Variants in PES1 observed in about 807,000 individuals in gnomAD.
PES1 encodes the protein pescadillo homolog.
In PES1, 31 loss-of-function variants were observed where a neutral mutation model predicts 77.1. That is an observed-to-expected ratio of 0.40 (90% CI 0.30 to 0.54). The LOEUF (loss-of-function observed/expected upper bound fraction) is 0.54, where lower values mean the gene tolerates loss of function less well. PES1 is among the 20% of genes least tolerant of loss of function. PES1 has a pLI of 0.45. For synonymous variants in PES1, 282 were observed against 303.0 expected, an observed-to-expected ratio of 0.93 and a Z score of 0.72; for missense variants, 658 against 771.7, an observed-to-expected ratio of 0.85 and a Z score of 1.75.
chr22:30,590,086 G>A (rs991021342), intron 1 of PES1, among the ~76,000 whole-genome samples: 3 of 152,126 alleles, frequency 2.0e-5, no homozygotes, highest in Non-Finnish European at 2.9e-5. Context: ...GACAATAACA[G>A]GTCCTCTATT....
chr22:30,584,359 A>G lies in PES1; in HGVS notation c.630+6T>C, dbSNP rs776060563. On this transcript the variant is annotated splice_donor_region_variant and intron_variant, in intron 6 of 14. Coordinates refer to ENST00000354694, the MANE Select transcript of PES1 (RefSeq NM_014303.4). The stretch of plus-strand genomic sequence containing the variant: ...AAGCCCGTCCCCTCCCGACAGGCAC[A>G]CTCACGTCATGGGAGAAGGCATAGG... The G allele has an allele frequency of 6.2e-7, 1 of 1,604,716 alleles. No homozygotes were observed. The highest frequency in any genetic ancestry group is 1.1e-5 in the South Asian group (1 of 89,692).
At chr22:30,605,163 T>C (rs768431189) in intron 2 of PES1, among the ~76,000 whole-genome samples, 1 of 151,974 alleles carries the variant, frequency 6.6e-6, no homozygotes, top group Non-Finnish European at 1.5e-5. Flanking sequence ...CCCTGGCATT[T>C]TTTGGTTTTG....
Position 30,584,381 on chromosome 22 carries a change from T to C in PES1, c.614A>G (p.Tyr205Cys), listed in dbSNP as rs553070209. The C allele has an allele frequency of 1.2e-5, 19 of 1,610,674 alleles. No individual in the cohort carries two copies. The highest frequency in any genetic ancestry group is 4.5e-5 in the East Asian group (2 of 44,750). Residue 205 changes from tyrosine (Y) to cysteine (C), a missense_variant, in exon 6 of 15, where the codon TAT (tyrosine) becomes TGT (cysteine). By Grantham distance (194) the Tyr-to-Cys change is radical (BLOSUM62 -2). Coordinates refer to ENST00000354694, the MANE Select transcript of PES1 (RefSeq NM_014303.4). ...CACACTCACGTCATGGGAGAAGGCA[T>C]AGGGAGTGATCCACACGATGGGCTG... ...LGQPIVWITP[Y>C]AFSHDHPTDV...
intron 6 of PES1, 43 bp from the exon 7 acceptor site, chr22:30,581,687 T>C (rs749328140): frequency 7.2e-7 from 1 of 1,384,170 alleles, no homozygotes; most frequent in South Asian, 1.2e-5. Context: ...GGTGCAGGGA[T>C]GGGGGCAAAG....
rs559943361 is a variant in PES1 at position 30,581,145 on chromosome 22, G to A, written c.823-44C>T. The A allele has an allele frequency of 7.3e-5, 110 of 1,512,738 alleles. No individual in the cohort carries two copies. In the African/African-American group the frequency reaches 8.1e-4, roughly 11 times the overall value. 93.7% of individuals were successfully genotyped at this position (1,512,738 alleles called of 1,614,324 possible). A position where few individuals can be genotyped will look rare whatever the true frequency, so the allele number is the denominator to read the frequency against. ...CTGCTTGCAGTGGGGGACCTCATGC[G>A]GGCATGTGGCCAGGGTGGGGAGGGG... On this transcript the variant is annotated intron_variant, in intron 8 of 14. Coordinates refer to ENST00000354694, the MANE Select transcript of PES1 (RefSeq NM_014303.4).
upstream of PES1, among the ~76,000 whole-genome samples, chr22:30,595,352 A>G (rs1161519892): frequency 6.6e-6 from 1 of 151,990 alleles, no homozygotes; most frequent in Admixed American, 6.6e-5. Context: ...AGCCTGGCCA[A>G]TATTGTGAAA....
At chr22:30,581,231 A>T in intron 8 of PES1, 103 bp downstream of exon 8, 1 of 1,386,026 alleles carries the variant, frequency 7.2e-7, no homozygotes, top group East Asian at 2.3e-5. Flanking sequence ...GAGACCACCC[A>T]CCTAGCCATA....
intron 6 of PES1, among the ~76,000 whole-genome samples, chr22:30,583,992 C>G (rs1362692034): frequency 1.3e-5 from 2 of 152,226 alleles, no homozygotes; most frequent in African/African-American, 4.8e-5. Context: ...TGCCACTGTC[C>G]CCGTGGTGGC....
At position 30,588,156 on chromosome 22, in the gene PES1, C is replaced by T. The variant is rs1406703185; in HGVS notation, c.123G>A (p.Lys41=). The T allele has an allele frequency of 6.2e-7, 1 of 1,614,178 alleles. No individual in the cohort carries two copies. The highest frequency in any genetic ancestry group is 1.3e-5 in the African/African-American group (1 of 75,024). ...GTTTGGGTTCATGGGGATAAATGCC[C>T]TTCAGAATGCACAGCCGCCTGGAAG... The part of the protein sequence containing the change: ...LADFRRLCIL[K]GIYPHEPKHK... Residue 41 remains lysine (K), a synonymous_variant, in exon 3 of 15, where the codon AAG becomes AAA. Transcript: ENST00000354694.
At chr22:30,584,320 C>T in intron 6 of PES1, 45 bp downstream of exon 6, 1 of 1,401,364 alleles carries the variant, frequency 7.1e-7, no homozygotes, top group Non-Finnish European at 1.0e-6. Context: ...CCATATCTGT[C>T]TAGGAGGCAG....
chr22:30,606,420 T>G (rs1179642246), intron 1 of PES1, among the ~76,000 whole-genome samples: 1 of 151,940 alleles, frequency 6.6e-6, no homozygotes, highest in East Asian at 1.9e-4. Flanking sequence ...TGTATGTGTT[T>G]TTTGTGTTTT....
intron 6 of PES1, chr22:30,584,112 T>TTAA: frequency 1.9e-6 from 1 of 532,266 alleles, no homozygotes; most frequent in South Asian, 2.0e-5. Flanking sequence ...GTAGACACTG[T>TTAA]TAACTGAGGC....
At chr22:30,581,306 G>A in intron 8 of PES1, 28 bp downstream of exon 8, 1 of 1,607,588 alleles carries the variant, frequency 6.2e-7, no homozygotes, top group Admixed American at 1.7e-5. Flanking sequence ...CTTGGGAGAT[G>A]CCGGATGATG....
intron 1 of PES1, among the ~76,000 whole-genome samples, chr22:30,605,960 G>A (rs1310859887): frequency 6.6e-6 from 1 of 152,196 alleles, no homozygotes; most frequent in African/African-American, 2.4e-5. Flanking sequence ...CACAAATTGA[G>A]CTGAAAGGGA....
chr22:30,579,325 T>C lies in PES1; in HGVS notation c.1355-22A>G, dbSNP rs1421073129. 3 of 1,599,806 alleles carry C rather than the reference T, an allele frequency of 1.9e-6. No homozygotes were observed. In the East Asian group the frequency reaches 6.7e-5, roughly 36 times the overall value. ...TTTCCTAGAGAAAGCCAATGTCCTC[T>C]GAATGCCCTGGGAATCTACTGTCTC... is the stretch of plus-strand genomic sequence containing the variant. On this transcript the variant is annotated intron_variant, in intron 12 of 14. Coordinates refer to ENST00000354694, the MANE Select transcript of PES1 (RefSeq NM_014303.4).
intron 1 of PES1, among the ~76,000 whole-genome samples, chr22:30,591,001 T>A (rs556950927): frequency 2.1e-4 from 32 of 152,290 alleles, no homozygotes; most frequent in African/African-American, 7.2e-4. Context: ...AAGAAACACT[T>A]AAGCCAACTA....
intron 4 of PES1, among the ~76,000 whole-genome samples, chr22:30,585,567 G>C (rs2146470677): frequency 6.6e-6 from 1 of 152,190 alleles, no homozygotes; most frequent in South Asian, 2.1e-4. Flanking sequence ...GCAGCTGCCA[G>C]AGACGCTGGC....
chr22:30,595,770 C>T (rs902471830), upstream of PES1, among the ~76,000 whole-genome samples: 5 of 152,050 alleles, frequency 3.3e-5, no homozygotes, highest in African/African-American at 1.2e-4. Flanking sequence ...ATTCAGACCA[C>T]GGAGGGAACA....
chr22:30,593,410 C>T (rs986839397), upstream of PES1, among the ~76,000 whole-genome samples: 1 of 152,004 alleles, frequency 6.6e-6, no homozygotes, highest in African/African-American at 2.4e-5. Flanking sequence ...TTTATTGAAC[C>T]CAGGAGGTAG....
Sources: allele counts gnomAD v4.1 joint callset (sites outside exome capture counted in the v4.1 genomes callset), GRCh38; gene constraint gnomAD v4.1.1; transcripts MANE v1.5; gene names NCBI Gene and HGNC (gene_info 2026-07-23, HGNC 2026-07-21).